Variants in SGCD observed in about 807,000 individuals in gnomAD.
SGCD encodes delta-sarcoglycan.
A neutral mutation model predicts 36.6 loss-of-function variants in SGCD; 18 were observed. That is an observed-to-expected ratio of 0.49 (90% confidence interval 0.34 to 0.73). SGCD has a LOEUF of 0.73. SGCD is among the 30% of genes least tolerant of loss of function. The pLI, the probability that SGCD is intolerant of heterozygous loss-of-function variation, is 0.01. For synonymous variants in SGCD, 133 were observed against 130.6 expected, an observed-to-expected ratio of 1.02 and a Z score of -0.12; for missense variants, 387 against 346.7, an observed-to-expected ratio of 1.12 and a Z score of -0.92.
the SGCD span, among the ~76,000 whole-genome samples, chr5:155,765,885 G>T: frequency 6.6e-6 from 1 of 152,098 alleles, no homozygotes; most frequent in Non-Finnish European, 1.5e-5. Flanking sequence ...ACTCACACCT[G>T]AGAACACTCA....
chr5:155,799,305 A>G, the SGCD span, among the ~76,000 whole-genome samples: 1 of 152,186 alleles, frequency 6.6e-6, no homozygotes, highest in African/African-American at 2.4e-5. Context: ...TTAGTAAAAT[A>G]GAGGTTGCTA....
At chr5:156,000,799 C>T (rs1299310366) in intron 1 of SGCD, among the ~76,000 whole-genome samples, 2 of 145,208 alleles carry the variant, frequency 1.4e-5, no homozygotes, top group African/African-American at 5.5e-5. Flanking sequence ...TTTCCTCACA[C>T]ATATATATAT....
At chr5:155,967,584 G>A (rs1408611814) in intron 1 of SGCD, among the ~76,000 whole-genome samples, 1 of 152,036 alleles carries the variant, frequency 6.6e-6, no homozygotes, top group Non-Finnish European at 1.5e-5. Context: ...ACATTTAAAT[G>A]TGAAGAAAGT....
intron 3 of SGCD, among the ~76,000 whole-genome samples, chr5:156,399,158 A>G (rs1772013220): frequency 1.3e-5 from 2 of 152,184 alleles, no homozygotes; most frequent in African/African-American, 4.8e-5. Context: ...TGACCCTCAA[A>G]AGACAAATAT....
intron 3 of SGCD, among the ~76,000 whole-genome samples, chr5:156,366,094 T>A (rs1380899694): frequency 1.3e-5 from 2 of 152,206 alleles, no homozygotes; most frequent in African/African-American, 4.8e-5. Flanking sequence ...TGAAGGCAAC[T>A]TTGCAAATGT....
chr5:156,566,307 C>T (rs539525536), intron 4 of SGCD, among the ~76,000 whole-genome samples: 1 of 152,236 alleles, frequency 6.6e-6, no homozygotes, highest in African/African-American at 2.4e-5. Flanking sequence ...ATTTATTTAA[C>T]TTCTGAAAGT....
intron 1 of SGCD, among the ~76,000 whole-genome samples, chr5:156,036,228 G>A (rs1051657839): frequency 1.3e-5 from 2 of 152,166 alleles, no homozygotes; most frequent in Non-Finnish European, 2.9e-5. Flanking sequence ...AGAGGTCATA[G>A]AGACTTGTAC....
intron 6 of SGCD, among the ~76,000 whole-genome samples, chr5:156,640,705 C>G (rs961100338): frequency 6.6e-6 from 1 of 152,130 alleles, no homozygotes; most frequent in Non-Finnish European, 1.5e-5. Context: ...TCATGTCTGA[C>G]GTAGGCTCTA....
chr5:155,796,961 A>G, the SGCD span, among the ~76,000 whole-genome samples: 2 of 152,134 alleles, frequency 1.3e-5, no homozygotes, highest in African/African-American at 4.8e-5. Flanking sequence ...TAATAGAAAA[A>G]ATCAACAGAA....
At chr5:155,949,164 G>A (rs1295242029) in intron 1 of SGCD, among the ~76,000 whole-genome samples, 1 of 152,110 alleles carries the variant, frequency 6.6e-6, no homozygotes, top group Non-Finnish European at 1.5e-5. Context: ...TAAATGGGGG[G>A]CACATTAGGT....
intron 3 of SGCD, among the ~76,000 whole-genome samples, chr5:156,305,422 G>A (rs746247243): frequency 6.6e-6 from 1 of 152,152 alleles, no homozygotes; most frequent in Non-Finnish European, 1.5e-5. Context: ...GGTTGGGCCT[G>A]CAGGTGCACA....
intron 7 of SGCD, among the ~76,000 whole-genome samples, chr5:156,676,115 G>C (rs1027494992): frequency 1.3e-5 from 2 of 152,170 alleles, no homozygotes; most frequent in Non-Finnish European, 2.9e-5. Flanking sequence ...CCAAGAGAGT[G>C]TCCATTTATT....
rs987766612 is a variant in SGCD, at chr5:156,594,815, T to C, written c.383-117T>C. 31 of 663,356 alleles carry C rather than the reference T, an allele frequency of 4.7e-5. 1 individual carries two copies. In the African/African-American group the frequency reaches 4.9e-4, roughly 11 times the overall value. 41.1% of individuals were successfully genotyped at this position (663,356 alleles called of 1,614,324 possible). On this transcript the variant is annotated intron_variant, in intron 5 of 8. Transcript: ENST00000337851. The stretch of plus-strand genomic sequence containing the variant: ...AACATTGAAGTCTCATACAATCTTG[T>C]TAGATATGTGTGTTCTATGAAAAGC...
intron 3 of SGCD, among the ~76,000 whole-genome samples, chr5:156,443,140 A>G (rs753736301): frequency 1.3e-5 from 2 of 152,060 alleles, no homozygotes; most frequent in Non-Finnish European, 2.9e-5. Context: ...ACGCACCATC[A>G]TGCCCAGCTA....
At chr5:156,353,590 T>C (rs1204762648) in intron 3 of SGCD, among the ~76,000 whole-genome samples, 1 of 152,206 alleles carries the variant, frequency 6.6e-6, no homozygotes, top group Non-Finnish European at 1.5e-5. Context: ...GTTAATATAT[T>C]GTGAGTTTGA....
the SGCD span, among the ~76,000 whole-genome samples, chr5:155,803,754 T>C: frequency 6.6e-6 from 1 of 152,208 alleles, no homozygotes; most frequent in Admixed American, 6.5e-5. Context: ...TGATACTTCC[T>C]TTCTGGGGGA....
chr5:156,490,967 A>G (rs1755912543), intron 3 of SGCD, among the ~76,000 whole-genome samples: 1 of 152,136 alleles, frequency 6.6e-6, no homozygotes, highest in South Asian at 2.1e-4. Flanking sequence ...TAAATACTCC[A>G]CCAGAAAACT....
chr5:155,802,429 TG>T, the SGCD span, among the ~76,000 whole-genome samples: 1 of 152,242 alleles, frequency 6.6e-6, no homozygotes, highest in Non-Finnish European at 1.5e-5. Flanking sequence ...CTATATTCTA[TG>T]TACTTAGTTT....
chr5:156,463,272 G>C (rs1297648463), intron 3 of SGCD, among the ~76,000 whole-genome samples: 1 of 152,076 alleles, frequency 6.6e-6, no homozygotes, highest in East Asian at 1.9e-4. Context: ...TCGATCTCCT[G>C]ACCTTGTGAT....
Sources: allele counts gnomAD v4.1 joint callset (sites outside exome capture counted in the v4.1 genomes callset), GRCh38; gene constraint gnomAD v4.1.1; transcripts MANE v1.5; gene names NCBI Gene and HGNC (gene_info 2026-07-23, HGNC 2026-07-21).